MAP1A: variants seen among roughly 807,000 people sequenced by gnomAD.
MAP1A encodes microtubule associated protein 1A.
A neutral mutation model predicts 185.9 loss-of-function variants in MAP1A; 42 were observed. The observed-to-expected ratio is 0.23, with a 90% CI of 0.18 to 0.29. MAP1A has a LOEUF of 0.29. MAP1A is among the 10% of genes least tolerant of loss of function. The pLI is 1.00. For missense variants in MAP1A, 2,995 were observed against 3,450.4 expected, an observed-to-expected ratio of 0.87 and a Z score of 3.31; for synonymous variants, 1,229 against 1,335.9, an observed-to-expected ratio of 0.92 and a Z score of 1.74.
At chr15:43,520,896 T>G in intron 2 of MAP1A, 76 bp from the exon 3 acceptor site, 16 of 1,431,664 alleles carry the variant, frequency 1.1e-5, no homozygotes, top group Non-Finnish European at 1.4e-5. Context: ...AGCATGTTCT[T>G]GAGGTACTGA....
rs1215994201 is a variant in MAP1A at position 43,517,667 on chromosome 15, C to A, written c.-408C>A. On this transcript the variant is annotated 5_prime_UTR_variant, in exon 1 of 6. Coordinates refer to ENST00000300231, the MANE Select transcript of MAP1A (RefSeq NM_002373.6). ...AGCTGCCGGCTGAGGCCGGAGCTGC[C>A]GCCTCCATGAGAGGCTTCCTCCTAC... is the stretch of plus-strand genomic sequence containing the variant. 7.1e-6 allele frequency: 7 copies of A among 983,958 alleles called. No homozygotes were observed. In the South Asian group the frequency reaches 1.4e-4, roughly 20 times the overall value. 61.0% of individuals were successfully genotyped at this position (983,958 alleles called of 1,614,324 possible). A position where few individuals can be genotyped will look rare whatever the true frequency, so the allele number is the denominator to read the frequency against.
upstream of MAP1A, among the ~76,000 whole-genome samples, chr15:43,516,280 C>T (rs986065483): frequency 6.6e-6 from 1 of 152,156 alleles, no homozygotes; most frequent in Non-Finnish European, 1.5e-5. Context: ...AGGATTGCTC[C>T]CCTTTTGTCC....
In MAP1A at chr15:43,523,721, A is replaced by G; in HGVS notation, c.2248A>G (p.Ile750Val). 1 of 1,613,986 alleles carries G rather than the reference A, an allele frequency of 6.2e-7. No homozygotes were observed. Among genetic ancestry groups the G allele is most frequent in the Non-Finnish European group, 8.5e-7 (1 of 1,179,938 alleles). ...TGGCTACTCAGAGACTGAGCAGACCATCTCAGATGAGGAGATCCATGATGA... is the reference window on the plus strand; with the variant it reads ...TGGCTACTCAGAGACTGAGCAGACCGTCTCAGATGAGGAGATCCATGATGA... ...IPGYSETEQT[I>V]SDEEIHDEPE... The change falls in exon 4 of 6, where the codon ATC becomes GTC. Residue 750 changes from isoleucine to valine, a missense_variant. Ile to Val is a conservative substitution (Grantham distance 29). This residue lies in a region of MAP1A where 2,728 missense variants were observed against 2,986.0 expected (regional missense o/e 0.91). Coordinates refer to ENST00000300231, the MANE Select transcript of MAP1A (RefSeq NM_002373.6).
rs759015369 is a variant in MAP1A, at chr15:43,524,730, G to A, written c.3257G>A (p.Cys1086Tyr). Reference protein sequence around the residue: ...PVNIDEGLTGCTIQLLPAQDK... With the variant: ...PVNIDEGLTGYTIQLLPAQDK... ...AACATTGATGAGGGGCTTACAGGCT[G>A]TACCATTCAACTGTTGCCAGCACAG... is the stretch of plus-strand genomic sequence containing the variant. The change falls in exon 4 of 6, where the codon TGT (cysteine) becomes TAT (tyrosine). Residue 1086 changes from cysteine to tyrosine, a missense_variant. By Grantham distance (194) the Cys-to-Tyr change is radical. Around this residue, in one of 3 missense-constraint regions of MAP1A, gnomAD observed 2,728 missense variants for 2,986.0 expected, o/e 0.91. Coordinates refer to ENST00000300231, the MANE Select transcript of MAP1A (RefSeq NM_002373.6). 2.5e-6 allele frequency: 4 copies of A among 1,614,130 alleles called. No individual in the cohort carries two copies. Among genetic ancestry groups the A allele is most frequent in the African/African-American group, 1.3e-5 (1 of 75,030 alleles).
chr15:43,530,343 G>A lies in MAP1A; in HGVS notation c.*119G>A, dbSNP rs755953254. ...TAGGGGGAGGGGAGGGAGATGTCTT[G>A]TTGTGGGGACTTGGGCTGGGCTAAA... On this transcript the variant is annotated 3_prime_UTR_variant, in exon 6 of 6. Transcript: ENST00000300231. The A allele has an allele frequency of 4.5e-6, 6 of 1,329,864 alleles. No individual in the cohort carries two copies. Among genetic ancestry groups the A allele is most frequent in the Admixed American group, 2.2e-5 (1 of 44,450 alleles). 82.4% of individuals were successfully genotyped at this position (1,329,864 alleles called of 1,614,324 possible). A position where few individuals can be genotyped will look rare whatever the true frequency, so the allele number is the denominator to read the frequency against.
rs972492170 is a variant in MAP1A, at chr15:43,517,648, C to T, written c.-427C>T. 3.0e-5 allele frequency: 29 copies of T among 981,546 alleles called. No individual in the cohort carries two copies. In the African/African-American group the frequency reaches 4.4e-4, roughly 15 times the overall value. The allele number at this position is 981,546 out of a possible 1,614,324, so 60.8% of individuals were successfully genotyped here. On this transcript the variant is annotated 5_prime_UTR_variant, in exon 1 of 6. Transcript: ENST00000300231. ...GCTGCAGACTCTTCCCTGAAGCTGC[C>T]GGCTGAGGCCGGAGCTGCCGCCTCC...
Position 43,525,680 on chromosome 15 carries a change from C to T in MAP1A, c.4207C>T (p.Gln1403Ter). 6.2e-7 allele frequency: 1 copy of T among 1,614,016 alleles called. No individual in the cohort carries two copies. The highest frequency in any genetic ancestry group is 8.5e-7 in the Non-Finnish European group (1 of 1,180,014). ...ALHVKNEAVK[Q>*]QDKALEQKGR... ...GCATGTAAAGAATGAGGCTGTGAAA[C>T]AGCAGGATAAGGCTTTAGAACAAAA... The change falls in exon 4 of 6, where the codon CAG becomes TAG. Residue 1403 changes from glutamine (Q) to a stop codon, truncating the protein, a stop_gained. Transcript: ENST00000300231. LOFTEE classifies it high-confidence loss of function.
At position 43,529,814 on chromosome 15, in the gene MAP1A, C is replaced by A. The variant is rs753853596; in HGVS notation, c.8200C>A (p.Arg2734=). 7 of 1,613,982 alleles carry A rather than the reference C, an allele frequency of 4.3e-6. No individual in the cohort carries two copies. Among genetic ancestry groups the A allele is most frequent in the Non-Finnish European group, 5.9e-6 (7 of 1,180,050 alleles). The stretch of plus-strand genomic sequence containing the variant: ...TGACCCTGCCAATGGCGAGCCAAGC[C>A]GGGCTGTGCTGGATGCCCTGCTGGA... ...GNDPANGEPS[R]AVLDALLEGK... Residue 2734 remains arginine (R), a synonymous_variant, in exon 5 of 6, where the codon CGG becomes AGG. Transcript: ENST00000300231. The surrounding 1 kb of genome is among the most constrained non-coding windows in gnomAD (Gnocchi z 4.3).
chr15:43,529,855 G>C lies in MAP1A; in HGVS notation c.8241G>C (p.Trp2747Cys), dbSNP rs770614832. ...CCCTGCTGGAGGGCAAGGCCCAGTG[G>C]GGGGAGAATCTTCAGGTGAGTAGCA... ...LDALLEGKAQWGENLQVTLIP... is the reference protein window; with the variant it reads ...LDALLEGKAQCGENLQVTLIP... Residue 2747 changes from tryptophan (W) to cysteine (C), a missense_variant, in exon 5 of 6, where the codon TGG becomes TGC. By Grantham distance (215) the Trp-to-Cys change is radical. Around this residue, in one of 3 missense-constraint regions of MAP1A, gnomAD observed 2,728 missense variants for 2,986.0 expected, o/e 0.91. Coordinates refer to ENST00000300231, the MANE Select transcript of MAP1A (RefSeq NM_002373.6). The surrounding 1 kb of genome is among the most constrained non-coding windows in gnomAD (Gnocchi z 4.3). 22 of 1,613,434 alleles carry C rather than the reference G, an allele frequency of 1.4e-5. No homozygotes were observed. Among genetic ancestry groups the C allele is most frequent in the South Asian group, 2.2e-5 (2 of 91,072 alleles).
intron 1 of MAP1A, 62 bp from the exon 2 acceptor site, chr15:43,520,579 C>A: frequency 9.1e-7 from 1 of 1,096,684 alleles, no homozygotes. Context: ...CACATTCTTT[C>A]CTCTCCTGCA....
chr15:43,527,554 G>A lies in MAP1A; in HGVS notation c.6081G>A (p.Gln2027=). The A allele has an allele frequency of 6.2e-7, 1 of 1,614,122 alleles. No individual in the cohort carries two copies. Among genetic ancestry groups the A allele is most frequent in the Non-Finnish European group, 8.5e-7 (1 of 1,180,010 alleles). Residue 2027 remains glutamine (Q), a synonymous_variant, in exon 4 of 6, where the codon CAG becomes CAA. Coordinates refer to ENST00000300231, the MANE Select transcript of MAP1A (RefSeq NM_002373.6). ...CTCCTATCTCACCCAAGAGCCTCCA[G>A]TCTGACACTCCAACCTTCAGCTATG... The part of the protein sequence containing the change: ...LSSPISPKSL[Q]SDTPTFSYAA...
At chr15:43,517,404 G>A (rs1228288667), upstream of MAP1A, among the ~76,000 whole-genome samples, 1 of 152,036 alleles carries the variant, frequency 6.6e-6, no homozygotes, top group Non-Finnish European at 1.5e-5. Context: ...AGGTCCTATG[G>A]GCCATAGGAC....
In MAP1A at chr15:43,521,441, C is replaced by T; in HGVS notation, c.-33C>T. 1 of 1,614,118 alleles carries T rather than the reference C, an allele frequency of 6.2e-7. No homozygotes were observed. Among genetic ancestry groups the T allele is most frequent in the Non-Finnish European group, 8.5e-7 (1 of 1,180,020 alleles). On this transcript the variant is annotated 5_prime_UTR_variant, in exon 4 of 6. Coordinates refer to ENST00000300231, the MANE Select transcript of MAP1A (RefSeq NM_002373.6). The surrounding 1 kb of genome is among the most constrained non-coding windows in gnomAD (Gnocchi z 4.6). ...ATCCAGTTCCCAAGAGACCCTGCAC[C>T]TCCGGCTAAACCCTGAGCCCACTCT...
intron 1 of MAP1A, among the ~76,000 whole-genome samples, chr15:43,518,880 C>T (rs2079309257): frequency 6.6e-6 from 1 of 152,234 alleles, no homozygotes; most frequent in Admixed American, 6.5e-5. Context: ...GGATATAAAC[C>T]ATGTAATTTC....
chr15:43,529,503 G>C lies in MAP1A; in HGVS notation c.8030G>C (p.Gly2677Ala). 1 of 1,604,146 alleles carries C rather than the reference G, an allele frequency of 6.2e-7. No individual in the cohort carries two copies. The highest frequency in any genetic ancestry group is 8.5e-7 in the Non-Finnish European group (1 of 1,173,734). Reference protein sequence around the residue: ...SKGLVNGLKAGPMALSSKGSS... With the variant: ...SKGLVNGLKAAPMALSSKGSS... ...GGCCTAGTCAATGGACTCAAGGCAG[G>C]ACCAAGTAAGTATATCATGAAACTT... Residue 2677 changes from glycine to alanine, a missense_variant, in exon 4 of 6, where the codon GGA becomes GCA. By Grantham distance (60) the Gly-to-Ala change is moderately conservative. Transcript: ENST00000300231. The surrounding 1 kb of genome is among the most constrained non-coding windows in gnomAD (Gnocchi z 4.3).
At chr15:43,511,262 T>C in intron 1 of MAP1A, 1 of 1,484,668 alleles carries the variant, frequency 6.7e-7, no homozygotes, top group South Asian at 1.2e-5. Flanking sequence ...CAGGCATCTC[T>C]ACCCTGTGCT....
Position 43,527,089 on chromosome 15 carries a change from T to A in MAP1A, c.5616T>A (p.Thr1872=), listed in dbSNP as rs764048394. The A allele has an allele frequency of 4.6e-6, 7 of 1,533,594 alleles. No individual in the cohort carries two copies. The East Asian group carries it at 1.7e-4, about 38-fold the overall frequency. 95.0% of individuals were successfully genotyped at this position (1,533,594 alleles called of 1,614,324 possible). Residue 1872 remains threonine (T), a synonymous_variant, in exon 4 of 6, where the codon ACT becomes ACA. Transcript: ENST00000300231. The part of the protein sequence containing the change: ...GPPTPAPESH[T]PAPFSWGTAE... ...CCACACCTGCCCCGGAATCCCATAC[T>A]CCTGCACCCTTCTCTTGGGGCACAG...
rs761772662 is a variant in MAP1A at position 43,529,531 on chromosome 15, CAG to C, written c.8035+28_8035+29del. The C allele has an allele frequency of 2.9e-5, 47 of 1,598,660 alleles. 2 individuals are homozygous for C. The South Asian group carries it at 4.6e-4, about 16-fold the overall frequency. ...CAAGTAAGTATATCATGAAACTTGG[CAG>C]AGAGTGTGGGTTAGGGCTGGGTGTG... On this transcript the variant is annotated intron_variant, in intron 4 of 5. Coordinates refer to ENST00000300231, the MANE Select transcript of MAP1A (RefSeq NM_002373.6). The surrounding 1 kb of genome is among the most constrained non-coding windows in gnomAD (Gnocchi z 4.3).
chr15:43,530,485 A>C lies in MAP1A; in HGVS notation c.*261A>C. 1 of 466,638 alleles carries C rather than the reference A, an allele frequency of 2.1e-6. No individual in the cohort carries two copies. The highest frequency in any genetic ancestry group is 3.9e-6 in the Non-Finnish European group (1 of 257,784). The allele number at this position is 466,638 out of a possible 1,614,324, so 28.9% of individuals were successfully genotyped here. ...ATAGGATAGCATCTGATGCCTGAGA[A>C]CCCTCTCCTAGCACTGTCAAATGCT... is the stretch of plus-strand genomic sequence containing the variant. On this transcript the variant is annotated 3_prime_UTR_variant, in exon 6 of 6. Transcript: ENST00000300231.
Sources: gnomAD v4.1 joint callset for allele counts (sites outside exome capture counted in the v4.1 genomes callset) on GRCh38, gnomAD v4.1.1 for gene constraint, gnomAD v4.1.1 regional missense constraint, Gnocchi (gnomAD v3.1) non-coding constraint, MANE v1.5 for transcripts, NCBI Gene and HGNC (gene_info 2026-07-23, HGNC 2026-07-21) for gene names.